SNTB1: variants seen among roughly 807,000 people sequenced by gnomAD.
SNTB1 encodes beta-1-syntrophin.
Under a neutral mutation model 48.9 loss-of-function variants are expected in SNTB1, and 36 were observed. That is an observed-to-expected ratio of 0.74 (90% CI 0.56 to 0.97). The LOEUF is 0.97. SNTB1 is among the 50% of genes least tolerant of loss of function. The pLI is 0.00. For synonymous variants in SNTB1, 299 were observed against 294.6 expected, an observed-to-expected ratio of 1.01 and a Z score of -0.15; for missense variants, 786 against 703.4, an observed-to-expected ratio of 1.12 and a Z score of -1.33.
chr8:120,677,831 G>T (rs1817863915), intron 2 of SNTB1, among the ~76,000 whole-genome samples: 1 of 152,162 alleles, frequency 6.6e-6, no homozygotes, highest in South Asian at 2.1e-4. Flanking sequence ...AATCCAGGTT[G>T]GCCTGGTCTG....
intron 1 of SNTB1, among the ~76,000 whole-genome samples, chr8:120,751,777 G>C (rs914672302): frequency 2.0e-5 from 3 of 151,890 alleles, no homozygotes; most frequent in African/African-American, 7.3e-5. Context: ...ATAGTATGAG[G>C]TTTAAATGAA....
At chr8:120,722,080 A>T (rs1055885907) in intron 1 of SNTB1, among the ~76,000 whole-genome samples, 6 of 152,098 alleles carry the variant, frequency 3.9e-5, no homozygotes, top group Non-Finnish European at 5.9e-5. Flanking sequence ...ATCCTTTTTT[A>T]TGGCTGCATA....
At chr8:120,657,358 G>T (rs1014903708) in intron 2 of SNTB1, among the ~76,000 whole-genome samples, 1 of 152,130 alleles carries the variant, frequency 6.6e-6, no homozygotes, top group Non-Finnish European at 1.5e-5. Flanking sequence ...ACTAACCTAG[G>T]ATGAGATGTA....
chr8:120,811,577 G>A lies in SNTB1; in HGVS notation c.267C>T (p.Ala89=). 1.3e-6 allele frequency: 2 copies of A among 1,564,214 alleles called. No individual in the cohort carries two copies. Among genetic ancestry groups the A allele is most frequent in the Non-Finnish European group, 8.7e-7 (1 of 1,155,102 alleles). Residue 89 remains alanine, a synonymous_variant, in exon 1 of 7, where the codon GCC becomes GCT. Transcript: ENST00000517992. ...GGTCGGTGAAAGCGGTGCGGACCCC[G>A]GCGGGCGAGTCCGGGGGCTGCGCGC... is the stretch of plus-strand genomic sequence containing the variant. ...AGGAQPPDSP[A]GVRTAFTDLP... is the part of the protein sequence containing the mutation.
rs181432156 is a variant in SNTB1, at chr8:120,713,087, A to G, written c.572-19179T>C. 4.2e-3 allele frequency among the ~76,000 whole-genome samples: 639 copies of G among 152,288 alleles called. 6 individuals carry two copies. Among genetic ancestry groups the G allele is most frequent in the African/African-American group, 0.015 (603 of 41,560 alleles). ...ATTCTTGGAAATTGTTTTAGAGTGG[A>G]AAAACCTGAGCTAAAGAGTTACGAT... On this transcript the variant is annotated intron_variant, in intron 1 of 6. Coordinates refer to ENST00000517992, the MANE Select transcript of SNTB1 (RefSeq NM_021021.4).
intron 4 of SNTB1, among the ~76,000 whole-genome samples, chr8:120,568,852 C>T (rs1265769116): frequency 1.3e-5 from 2 of 152,206 alleles, no homozygotes; most frequent in Non-Finnish European, 2.9e-5. Flanking sequence ...TTTCCTCTTG[C>T]AGTTCAGTGG....
intron 3 of SNTB1, among the ~76,000 whole-genome samples, chr8:120,592,464 T>C (rs4480161): frequency 0.18 from 27,009 of 152,074 alleles, 2,952 homozygotes; most frequent in East Asian, 0.44. Context: ...GCAGGTGTGA[T>C]CCACTGTGCC....
In SNTB1 at chr8:120,811,556, G is replaced by A. The variant is rs1563610930; in HGVS notation, c.288C>T (p.Thr96=). 1 of 1,590,330 alleles carries A rather than the reference G, an allele frequency of 6.3e-7. No individual in the cohort carries two copies. The highest frequency in any genetic ancestry group is 8.6e-7 in the Non-Finnish European group (1 of 1,168,606). Residue 96 remains threonine (T), a synonymous_variant, in exon 1 of 7, where the codon ACC becomes ACT. Coordinates refer to ENST00000517992, the MANE Select transcript of SNTB1 (RefSeq NM_021021.4). Reference sequence around the variant, plus strand: ...ACTCGGGCACCTGCTCGGGCAGGTCGGTGAAAGCGGTGCGGACCCCGGCGG... The same window carrying A: ...ACTCGGGCACCTGCTCGGGCAGGTCAGTGAAAGCGGTGCGGACCCCGGCGG... ...DSPAGVRTAF[T]DLPEQVPESI...
chr8:120,615,214 A>G (rs950752722), intron 3 of SNTB1, among the ~76,000 whole-genome samples: 1 of 152,090 alleles, frequency 6.6e-6, no homozygotes, highest in Non-Finnish European at 1.5e-5. Flanking sequence ...TTCCCTCCCC[A>G]CAACTCCAAC....
At chr8:120,555,613 C>G (rs931307846) in intron 4 of SNTB1, among the ~76,000 whole-genome samples, 12 of 152,212 alleles carry the variant, frequency 7.9e-5, no homozygotes, top group African/African-American at 2.9e-4. Flanking sequence ...GTTCAACTTA[C>G]AGGCTGCTCT....
intron 1 of SNTB1, among the ~76,000 whole-genome samples, chr8:120,801,162 G>A (rs1167856672): frequency 1.3e-5 from 2 of 151,950 alleles, no homozygotes; most frequent in Non-Finnish European, 2.9e-5. Flanking sequence ...TTACAAGCAA[G>A]CAAGAAAATA....
At chr8:120,585,406 G>A (rs76556965) in intron 3 of SNTB1, among the ~76,000 whole-genome samples, 5,981 of 152,254 alleles carry the variant, frequency 0.039, 421 homozygotes, top group African/African-American at 0.13. Context: ...TGGCATGTGA[G>A]GCTTCACTCA....
chr8:120,563,521 G>T (rs773964387), intron 4 of SNTB1, among the ~76,000 whole-genome samples: 3 of 152,104 alleles, frequency 2.0e-5, no homozygotes, highest in Non-Finnish European at 4.4e-5. Flanking sequence ...CTGCATGGCA[G>T]TCGACACCAG....
chr8:120,713,774 T>C (rs954753958), intron 1 of SNTB1, among the ~76,000 whole-genome samples: 23 of 152,216 alleles, frequency 1.5e-4, no homozygotes, highest in African/African-American at 5.3e-4. Flanking sequence ...TTTTTGTGTA[T>C]GTCTGGCTGC....
At chr8:120,669,826 G>A (rs116562434) in intron 2 of SNTB1, among the ~76,000 whole-genome samples, 2,149 of 152,304 alleles carry the variant, frequency 0.014, 44 homozygotes, top group African/African-American at 0.05. Context: ...CTGGAGTGGG[G>A]TCTGAAACTC....
chr8:120,734,371 C>A (rs554642215), intron 1 of SNTB1, among the ~76,000 whole-genome samples: 1 of 149,734 alleles, frequency 6.7e-6, no homozygotes, highest in South Asian at 2.1e-4. Context: ...TGCTTGAACC[C>A]GGGAGTCAGA....
At chr8:120,766,547 C>G (rs567946478) in intron 1 of SNTB1, among the ~76,000 whole-genome samples, 2 of 152,202 alleles carry the variant, frequency 1.3e-5, no homozygotes, top group East Asian at 3.9e-4. Flanking sequence ...GTTATCCACT[C>G]ACTTTCTAAA....
chr8:120,548,968 G>C lies in SNTB1; in HGVS notation c.1137-10C>G, dbSNP rs367672113. The C allele has an allele frequency of 3.3e-6, 5 of 1,536,228 alleles. No individual in the cohort carries two copies. The highest frequency in any genetic ancestry group is 2.3e-5 in the East Asian group (1 of 44,042). The stretch of plus-strand genomic sequence containing the variant: ...ACCTGAATGGACCAGCCTGGAGAGA[G>C]AGAGAGAGAGACATCATCAAAATGG... On this transcript the variant is annotated splice_polypyrimidine_tract_variant and intron_variant, in intron 4 of 6. Coordinates refer to ENST00000517992, the MANE Select transcript of SNTB1 (RefSeq NM_021021.4).
intron 2 of SNTB1, among the ~76,000 whole-genome samples, chr8:120,666,727 G>A (rs1341741579): frequency 6.6e-6 from 1 of 151,854 alleles, no homozygotes; most frequent in Non-Finnish European, 1.5e-5. Flanking sequence ...AGGTGTATTA[G>A]GCTGCTTGAA....
Sources: gnomAD v4.1 joint callset for allele counts (sites outside exome capture counted in the v4.1 genomes callset) on GRCh38, gnomAD v4.1.1 for gene constraint, MANE v1.5 for transcripts, NCBI Gene and HGNC (gene_info 2026-07-23, HGNC 2026-07-21) for gene names.